The following ARHGAP28 variants were observed in gnomAD, a reference collection of about 807,000 sequenced individuals.
ARHGAP28 encodes the protein Rho GTPase activating protein 28, also known as rho GTPase-activating protein 28.
A neutral mutation model predicts 90.7 loss-of-function variants in ARHGAP28; 56 were observed. The observed-to-expected ratio is 0.62, with a 90% confidence interval of 0.50 to 0.77. The LOEUF is 0.77. ARHGAP28 is among the 30% of genes least tolerant of loss of function. The pLI is 0.00. For missense variants in ARHGAP28, 869 were observed against 900.9 expected (o/e 0.96, Z 0.45); for synonymous variants, 308 against 323.3 (o/e 0.95, Z 0.51).
chr18:6,747,531 T>C (rs1020485906), intron 1 of ARHGAP28, among the ~76,000 whole-genome samples: 7 of 152,154 alleles, frequency 4.6e-5, no homozygotes, highest in Non-Finnish European at 8.8e-5. Flanking sequence ...AGTGCCTCAC[T>C]TTGGGAGGGT....
intron 1 of ARHGAP28, among the ~76,000 whole-genome samples, chr18:6,817,671 T>A (rs1274689205): frequency 6.6e-6 from 1 of 152,216 alleles, no homozygotes; most frequent in Non-Finnish European, 1.5e-5. Context: ...CTACAATTTC[T>A]TGGCTTTTCT....
intron 1 of ARHGAP28, among the ~76,000 whole-genome samples, chr18:6,776,141 C>T (rs947963751): frequency 6.6e-6 from 1 of 151,882 alleles, no homozygotes; most frequent in African/African-American, 2.4e-5. Flanking sequence ...ACAATATAGC[C>T]CCTGAGATGA....
At chr18:6,801,568 G>C (rs1457200852) in intron 1 of ARHGAP28, among the ~76,000 whole-genome samples, 6 of 151,940 alleles carry the variant, frequency 3.9e-5, no homozygotes, top group Admixed American at 6.6e-5. Context: ...GATTTCATTT[G>C]AATCATTGAA....
chr18:6,888,818 CTG>C (rs1491464712), intron 12 of ARHGAP28, among the ~76,000 whole-genome samples: 4 of 152,116 alleles, frequency 2.6e-5, no homozygotes, highest in African/African-American at 9.7e-5. Context: ...CTCTCTCTCT[CTG>C]TCTCTCTAAT....
At chr18:6,843,098 A>G (rs1018123143) in intron 3 of ARHGAP28, among the ~76,000 whole-genome samples, 3 of 152,104 alleles carry the variant, frequency 2.0e-5, no homozygotes. Flanking sequence ...CTCTTTTTAT[A>G]CACTATTCCA....
Position 6,769,927 on chromosome 18 carries a change from C to G in ARHGAP28, c.122+39984C>G, listed in dbSNP as rs532873294. ...TTTGGAAAACAAATACCCCTAAACT[C>G]TTAGAATTAACTTGCCATCAAAATA... On this transcript the variant is annotated intron_variant, in intron 1 of 17. Transcript: ENST00000383472. Among the ~76,000 whole-genome samples the G allele has an allele frequency of 1.3e-5, 2 of 152,336 alleles. 1 individual carries two copies. The highest frequency in any genetic ancestry group is 4.1e-4 in the South Asian group (2 of 4,832).
intron 11 of ARHGAP28, among the ~76,000 whole-genome samples, chr18:6,883,672 A>G (rs138947004): frequency 0.014 from 2,067 of 152,330 alleles, 30 homozygotes; most frequent in Admixed American, 0.031. Flanking sequence ...AATAGATCCT[A>G]AGTTGTATGG....
At chr18:6,834,361 A>G (rs1346940703) in intron 2 of ARHGAP28, 1 of 152,180 alleles carries the variant, frequency 6.6e-6, no homozygotes, top group East Asian at 1.9e-4. Context: ...TGAGAAAAAG[A>G]TGTAGAAACT....
chr18:6,841,203 C>CTCCTCTCTCTCTCTCTCTCT (rs754874496), intron 3 of ARHGAP28, among the ~76,000 whole-genome samples: 1 of 41,972 alleles, frequency 2.4e-5, no homozygotes, highest in African/African-American at 1.2e-4. Context: ...CTCTCTCTCT[C>CTCCTCTCTCTCTCTCTCTCT]CTCTCCTCTC....
intron 2 of ARHGAP28, among the ~76,000 whole-genome samples, chr18:6,828,216 C>G (rs1246089043): frequency 6.6e-6 from 1 of 152,168 alleles, no homozygotes; most frequent in Non-Finnish European, 1.5e-5. Context: ...TCAGGCGTGG[C>G]GGCACGCGCC....
intron 1 of ARHGAP28, among the ~76,000 whole-genome samples, chr18:6,796,519 T>C (rs1010861405): frequency 6.6e-6 from 1 of 152,168 alleles, no homozygotes; most frequent in Non-Finnish European, 1.5e-5. Flanking sequence ...GTATTTGATG[T>C]GTAGGTCATT....
intron 10 of ARHGAP28, among the ~76,000 whole-genome samples, chr18:6,881,827 G>A (rs1275722068): frequency 6.6e-6 from 1 of 152,180 alleles, no homozygotes; most frequent in Non-Finnish European, 1.5e-5. Context: ...TATCATGTGG[G>A]AATAGTGGTA....
At chr18:6,854,378 T>C (rs571644792) in intron 4 of ARHGAP28, among the ~76,000 whole-genome samples, 134 of 152,252 alleles carry the variant, frequency 8.8e-4, no homozygotes, top group Non-Finnish European at 1.6e-3. Context: ...GCTGGAATTC[T>C]TAACTTTCAC....
chr18:6,806,385 T>C (rs1358241238), intron 1 of ARHGAP28, among the ~76,000 whole-genome samples: 2 of 151,934 alleles, frequency 1.3e-5, no homozygotes, highest in Non-Finnish European at 2.9e-5. Flanking sequence ...AATGGCATAG[T>C]AGACATAGCA....
intron 9 of ARHGAP28, among the ~76,000 whole-genome samples, chr18:6,875,689 ACC>A: frequency 6.6e-6 from 1 of 152,324 alleles, no homozygotes; most frequent in South Asian, 2.1e-4. Flanking sequence ...ATTAATCTTT[ACC>A]CCGTCTAAAC....
At chr18:6,730,221 G>GTATATA (rs55890039) in intron 1 of ARHGAP28, 3,373 of 174,692 alleles carry the variant, frequency 0.019, 68 homozygotes, top group East Asian at 0.025. Flanking sequence ...TAAGTCATGT[G>GTATATA]TATATATATA....
intron 1 of ARHGAP28, among the ~76,000 whole-genome samples, chr18:6,785,565 T>C (rs944684561): frequency 6.6e-6 from 1 of 152,230 alleles, no homozygotes; most frequent in Non-Finnish European, 1.5e-5. Context: ...TGGATTGGCA[T>C]CTGTGCATAC....
intron 1 of ARHGAP28, among the ~76,000 whole-genome samples, chr18:6,793,710 A>G (rs1326163033): frequency 6.6e-6 from 1 of 152,076 alleles, no homozygotes; most frequent in African/African-American, 2.4e-5. Context: ...ATAGATGTGT[A>G]TTGGCTTCTA....
At chr18:6,808,676 T>A (rs1384183065) in intron 1 of ARHGAP28, among the ~76,000 whole-genome samples, 1 of 152,204 alleles carries the variant, frequency 6.6e-6, no homozygotes, top group African/African-American at 2.4e-5. Context: ...CCATTGTATA[T>A]CTTGTGTATT....
Sources: gnomAD v4.1 joint callset for allele counts (sites outside exome capture counted in the v4.1 genomes callset) on GRCh38, gnomAD v4.1.1 for gene constraint, MANE v1.5 for transcripts, NCBI Gene and HGNC (gene_info 2026-07-23, HGNC 2026-07-21) for gene names.